MAP2K2: variants seen among roughly 807,000 people sequenced by gnomAD.
The protein encoded by MAP2K2 is dual specificity mitogen-activated protein kinase kinase 2.
Under a neutral mutation model 43.7 loss-of-function variants are expected in MAP2K2, and 24 were observed. That is an observed-to-expected ratio of 0.55 (90% confidence interval 0.40 to 0.77). The LOEUF is 0.77. Among genes scored for constraint, MAP2K2 ranks in the 30% least tolerant of loss-of-function variants. The pLI is 0.00. For synonymous variants in MAP2K2, 244 were observed against 239.7 expected (o/e 1.02, Z -0.17); for missense variants, 470 against 566.8 (o/e 0.83, Z 1.73).
chr19:4,113,849 C>T (rs536673386), intron 2 of MAP2K2, among the ~76,000 whole-genome samples: 2 of 152,268 alleles, frequency 1.3e-5, no homozygotes, highest in Non-Finnish European at 1.5e-5. Context: ...AGGACCGAGC[C>T]GCCCCCCGGC....
chr19:4,107,344 G>A (rs986853068), intron 3 of MAP2K2, among the ~76,000 whole-genome samples: 5 of 151,832 alleles, frequency 3.3e-5, no homozygotes, highest in Admixed American at 6.6e-5. Flanking sequence ...CTAACACAGC[G>A]AAACCCCGTC....
intron 2 of MAP2K2, among the ~76,000 whole-genome samples, chr19:4,116,912 G>C (rs2041228417): frequency 6.6e-6 from 1 of 152,160 alleles, no homozygotes; most frequent in South Asian, 2.1e-4. Flanking sequence ...CTGGGCAACA[G>C]AGCAAGACCC....
intron 6 of MAP2K2, chr19:4,099,661 T>C: frequency 1.8e-6 from 1 of 556,924 alleles, no homozygotes; most frequent in Non-Finnish European, 3.2e-6. Flanking sequence ...GAGCCTGCAA[T>C]GCTCAGCACT....
intron 2 of MAP2K2, 151 bp from the exon 3 acceptor site, chr19:4,110,806 G>A: frequency 1.3e-6 from 1 of 774,994 alleles, no homozygotes; most frequent in Admixed American, 2.5e-5. Context: ...CTGCCTAGAA[G>A]TGGACACATA....
chr19:4,097,231 A>C (rs2040931617), intron 8 of MAP2K2, 48 bp downstream of exon 8: 2 of 1,251,150 alleles, frequency 1.6e-6, no homozygotes, highest in Non-Finnish European at 1.1e-6. Flanking sequence ...AAAAAAAAGA[A>C]AGAAGAAAGA....
chr19:4,106,522 C>G (rs1176724778), intron 3 of MAP2K2, among the ~76,000 whole-genome samples: 4 of 152,322 alleles, frequency 2.6e-5, no homozygotes, highest in Admixed American at 2.6e-4. Context: ...GATTCTCCTG[C>G]CTCAGCCTCC....
chr19:4,098,667 C>T (rs1473456715), intron 7 of MAP2K2, among the ~76,000 whole-genome samples: 2 of 152,190 alleles, frequency 1.3e-5, no homozygotes, highest in Non-Finnish European at 2.9e-5. Context: ...TTGTCCTCTG[C>T]GAGCCCAGCT....
rs537778330 is a variant in MAP2K2, at chr19:4,124,008, G to C, written c.-133C>G. Reference sequence around the variant, plus strand: ...GCCGGCGTCGGGGCGGCCGAGGGCGGGCGGCGCTGCGGGCCTGGGCCGAGG... The same window carrying C: ...GCCGGCGTCGGGGCGGCCGAGGGCGCGCGGCGCTGCGGGCCTGGGCCGAGG... On this transcript the variant is annotated 5_prime_UTR_variant, in exon 1 of 11. Transcript: ENST00000262948. The C allele has an allele frequency of 2.3e-4, 57 of 248,672 alleles. 1 individual carries two copies. In the East Asian group the frequency reaches 5.0e-3, roughly 22 times the overall value. The allele number at this position is 248,672 out of a possible 1,614,324, so 15.4% of individuals were successfully genotyped here.
chr19:4,113,479 C>A (rs2041181370), intron 2 of MAP2K2, among the ~76,000 whole-genome samples: 1 of 152,094 alleles, frequency 6.6e-6, no homozygotes, highest in South Asian at 2.1e-4. Context: ...TTCACCCTGA[C>A]AAGCCCGGGG....
intron 3 of MAP2K2, among the ~76,000 whole-genome samples, chr19:4,105,155 C>CGTGTGTGTGTGTGTGTGTGT (rs61710801): frequency 7.3e-5 from 10 of 137,756 alleles, no homozygotes; most frequent in African/African-American, 2.9e-4. Flanking sequence ...ACACGTCTAC[C>CGTGTGTGTGTGTGTGTGTGT]GTGTGTGTGT....
chr19:4,108,958 C>T (rs1324320340), intron 3 of MAP2K2, among the ~76,000 whole-genome samples: 2 of 152,222 alleles, frequency 1.3e-5, no homozygotes, highest in Non-Finnish European at 2.9e-5. Context: ...ACTCTGCGAG[C>T]AGCGGGGCAG....
rs1025730507 is a variant in MAP2K2 at position 4,115,047 on chromosome 19, C to T, written c.303+2372G>A. ...CCCACGAGCTCAATGCATCCTCTCC[C>T]ACCCGAGTTTTCGGGCACTTTAAAG... On this transcript the variant is annotated intron_variant, in intron 2 of 10. Coordinates refer to ENST00000262948, the MANE Select transcript of MAP2K2 (RefSeq NM_030662.4). The surrounding 1 kb of genome is among the most constrained non-coding windows in gnomAD (Gnocchi z 4.1). 4.6e-5 allele frequency among the ~76,000 whole-genome samples: 7 copies of T among 152,220 alleles called. No homozygotes were observed. The highest frequency in any genetic ancestry group is 7.3e-5 in the Non-Finnish European group (5 of 68,044).
chr19:4,092,329 T>C (rs1388010874), intron 10 of MAP2K2, among the ~76,000 whole-genome samples: 1 of 152,200 alleles, frequency 6.6e-6, no homozygotes. Context: ...CCAGGCCCAG[T>C]GGCTCATGCT....
chr19:4,097,388 T>A, intron 7 of MAP2K2, 45 bp from the exon 8 acceptor site: 1 of 1,476,952 alleles, frequency 6.8e-7, no homozygotes, highest in Non-Finnish European at 9.5e-7. Flanking sequence ...GATGGCCACC[T>A]CACTTCTGCT....
chr19:4,120,185 C>T lies in MAP2K2; in HGVS notation c.93-2556G>A, dbSNP rs575495732. On this transcript the variant is annotated intron_variant, in intron 1 of 10. Transcript: ENST00000262948. ...GTGTCCCCCATGAGGGGAAACAGGGCCCTAGTAGGTGCTCACTGAGGAGCT... is the reference window on the plus strand; with the variant it reads ...GTGTCCCCCATGAGGGGAAACAGGGTCCTAGTAGGTGCTCACTGAGGAGCT... Among the ~76,000 whole-genome samples the T allele has an allele frequency of 3.9e-4, 60 of 152,310 alleles. No homozygotes were observed. The South Asian group carries it at 0.011, about 28-fold the overall frequency.
chr19:4,094,357 G>T, intron 10 of MAP2K2, 96 bp downstream of exon 10: 3 of 1,358,712 alleles, frequency 2.2e-6, no homozygotes, highest in Non-Finnish European at 3.1e-6. Flanking sequence ...GCAGGTGCTG[G>T]CTCCCCGGGC....
rs779065052 is a variant in MAP2K2, at chr19:4,095,427, C to T, written c.1007G>A (p.Gly336Asp). 6 of 1,551,208 alleles carry T rather than the reference C, an allele frequency of 3.9e-6. No individual in the cohort carries two copies. The highest frequency in any genetic ancestry group is 2.0e-5 in the Admixed American group (1 of 50,960). ...VNEPPPKLPN[G>D]VFTPDFQEFV... Reference sequence around the variant, plus strand: ...CTCCTGGAAGTCGGGGGTGAACACACCGTTGGGCAGCTTAGGAGGTGGCTG... The same window carrying T: ...CTCCTGGAAGTCGGGGGTGAACACATCGTTGGGCAGCTTAGGAGGTGGCTG... Residue 336 changes from glycine (G) to aspartate (D), a missense_variant, in exon 9 of 11, where the codon GGT becomes GAT. By Grantham distance (94) the Gly-to-Asp change is moderately conservative (BLOSUM62 -1). Transcript: ENST00000262948.
chr19:4,105,155 CGTGTGTGTGT>C (rs61710801), intron 3 of MAP2K2, among the ~76,000 whole-genome samples: 40,643 of 137,600 alleles, frequency 0.3, 6,762 homozygotes, highest in East Asian at 0.52. Context: ...ACACGTCTAC[CGTGTGTGTGT>C]GTGTGTGTGT....
At chr19:4,096,966 G>A (rs2040926998) in intron 8 of MAP2K2, among the ~76,000 whole-genome samples, 1 of 151,764 alleles carries the variant, frequency 6.6e-6, no homozygotes, top group Admixed American at 6.6e-5. Context: ...CTTGAACCTG[G>A]GAGGCGGAGG....
Sources: gnomAD v4.1 joint callset for allele counts (sites outside exome capture counted in the v4.1 genomes callset) on GRCh38, gnomAD v4.1.1 for gene constraint, Gnocchi (gnomAD v3.1) non-coding constraint, MANE v1.5 for transcripts, NCBI Gene and HGNC (gene_info 2026-07-23, HGNC 2026-07-21) for gene names.